Variants in PPP5C observed in about 807,000 individuals in gnomAD.
PPP5C encodes protein phosphatase 5 catalytic subunit, also known as serine/threonine-protein phosphatase 5.
Under a neutral mutation model 66.7 loss-of-function variants are expected in PPP5C, and 21 were observed. That is an observed-to-expected ratio of 0.31 (90% CI 0.22 to 0.45). The LOEUF (loss-of-function observed/expected upper bound fraction) is 0.45, where lower values mean the gene tolerates loss of function less well. Among genes scored for constraint, PPP5C ranks in the 20% least tolerant of loss-of-function variants. The pLI, the probability that PPP5C is intolerant of heterozygous loss-of-function variation, is 1.00. For synonymous variants in PPP5C, 246 were observed against 257.4 expected (o/e 0.96, Z 0.43); for missense variants, 464 against 675.9 (o/e 0.69, Z 3.48).
Position 46,383,287 on chromosome 19 carries a change from T to C in PPP5C, c.634-124T>C. 3.2e-6 allele frequency: 5 copies of C among 1,549,850 alleles called. No homozygotes were observed. Among genetic ancestry groups the C allele is most frequent in the Non-Finnish European group, 4.4e-6 (5 of 1,146,648 alleles). ...TCCCCCAGGCCTGCCCTGCCCTTTT[T>C]CTTCTCTCCCTGCTTCTCCCTCGCC... On this transcript the variant is annotated intron_variant, in intron 4 of 12. Coordinates refer to ENST00000012443, the MANE Select transcript of PPP5C (RefSeq NM_006247.4). This position sits in a 1 kb window ranked among gnomAD's most constrained non-coding sequence, Gnocchi z 5.0.
chr19:46,381,920 G>A (rs1972798114), intron 4 of PPP5C: 1 of 152,072 alleles, frequency 6.6e-6, no homozygotes, highest in Non-Finnish European at 1.5e-5. Context: ...AGCAGAGCTT[G>A]GGATCTTAGC....
chr19:46,347,256 G>A, intron 1 of PPP5C, 39 bp downstream of exon 1: 2 of 1,565,420 alleles, frequency 1.3e-6, no homozygotes, highest in Non-Finnish European at 1.7e-6. Flanking sequence ...AGTGGCCCAG[G>A]CTGAGGGGTG....
In PPP5C at chr19:46,387,205, G is replaced by C. The variant is rs141948909; in HGVS notation, c.1017G>C (p.Pro339=). 1 of 1,614,228 alleles carries C rather than the reference G, an allele frequency of 6.2e-7. No homozygotes were observed. Among genetic ancestry groups the C allele is most frequent in the Non-Finnish European group, 8.5e-7 (1 of 1,180,038 alleles). ...ELFSEVFEWL[P]LAQCINGKVL... ...TTAGCGAGGTGTTCGAGTGGCTCCC[G>C]TTGGCCCAGTGCATCAACGGCAAAG... is the stretch of plus-strand genomic sequence containing the variant. The change falls in exon 8 of 13, where the codon CCG becomes CCC. Residue 339 remains proline, a synonymous_variant. Coordinates refer to ENST00000012443, the MANE Select transcript of PPP5C (RefSeq NM_006247.4).
Position 46,388,364 on chromosome 19 carries a change from G to C in PPP5C, c.1136-44G>C. ...AGGTGGCCTGTGAGTGACCACCCCC[G>C]GGGAGGTGGACGAGTCCCTAATGTT... is the stretch of plus-strand genomic sequence containing the variant. On this transcript the variant is annotated intron_variant, in intron 9 of 12. Transcript: ENST00000012443. The surrounding 1 kb of genome is among the most constrained non-coding windows in gnomAD (Gnocchi z 4.9). 1 of 1,583,436 alleles carries C rather than the reference G, an allele frequency of 6.3e-7. No homozygotes were observed. Among genetic ancestry groups the C allele is most frequent in the East Asian group, 2.3e-5 (1 of 44,216 alleles).
At chr19:46,355,318 C>T (rs1404859687) in intron 2 of PPP5C, among the ~76,000 whole-genome samples, 1 of 152,220 alleles carries the variant, frequency 6.6e-6, no homozygotes, top group African/African-American at 2.4e-5. Flanking sequence ...TCCCTTGCAA[C>T]CATCACACTC....
rs1330023729 is a variant in PPP5C, at chr19:46,390,920, A to C, written c.*574A>C. ...GGTTACGCCTGCTCAGGAGATCCGGAGGGTGGGGAGGCCGCAAAGTCCCGC... is the reference window on the plus strand; with the variant it reads ...GGTTACGCCTGCTCAGGAGATCCGGCGGGTGGGGAGGCCGCAAAGTCCCGC... On this transcript the variant is annotated 3_prime_UTR_variant, in exon 13 of 13. Transcript: ENST00000012443. 60 of 1,172,292 alleles carry C rather than the reference A, an allele frequency of 5.1e-5. No individual in the cohort carries two copies. Among genetic ancestry groups the C allele is most frequent in the Non-Finnish European group, 5.9e-5 (55 of 930,422 alleles). 72.6% of individuals were successfully genotyped at this position (1,172,292 alleles called of 1,614,324 possible).
chr19:46,373,538 C>A (rs1461419808), intron 2 of PPP5C, among the ~76,000 whole-genome samples: 1 of 152,230 alleles, frequency 6.6e-6, no homozygotes, highest in African/African-American at 2.4e-5. Context: ...CCTTTCTCCT[C>A]CCTGCGCTGT....
intron 2 of PPP5C, among the ~76,000 whole-genome samples, chr19:46,358,477 GT>G (rs1972325237): frequency 1.3e-5 from 2 of 152,176 alleles, no homozygotes; most frequent in South Asian, 4.1e-4. Flanking sequence ...CTTTCAAAGT[GT>G]TAATGTAATA....
chr19:46,369,631 C>CA (rs34783979), intron 2 of PPP5C, among the ~76,000 whole-genome samples: 68,859 of 118,928 alleles, frequency 0.58, 17,962 homozygotes, highest in South Asian at 0.75. Flanking sequence ...GACTCTGTCT[C>CA]AAAAAAAAAA....
chr19:46,372,693 G>T (rs1972615178), intron 2 of PPP5C, among the ~76,000 whole-genome samples: 1 of 152,238 alleles, frequency 6.6e-6, no homozygotes, highest in Non-Finnish European at 1.5e-5. Flanking sequence ...ACTTAGCACT[G>T]TGGATTCACC....
At chr19:46,373,937 G>C (rs888225272) in intron 2 of PPP5C, among the ~76,000 whole-genome samples, 4 of 152,204 alleles carry the variant, frequency 2.6e-5, no homozygotes, top group Admixed American at 6.5e-5. Flanking sequence ...CCTGGAGCCA[G>C]CATGCCGGGG....
chr19:46,387,052 C>T, intron 7 of PPP5C, 41 bp from the exon 8 acceptor site: 5 of 1,613,912 alleles, frequency 3.1e-6, no homozygotes, highest in African/African-American at 2.7e-5. Context: ...CACTGATGTA[C>T]CTGGAGGCTG....
intron 1 of PPP5C, among the ~76,000 whole-genome samples, chr19:46,350,333 G>A (rs1972161830): frequency 6.6e-6 from 1 of 152,220 alleles, no homozygotes; most frequent in Admixed American, 6.5e-5. Context: ...TCAGCCAGGT[G>A]ATGGGGTGGA....
Position 46,383,451 on chromosome 19 carries a change from C to G in PPP5C, c.674C>G (p.Thr225Arg). 1 of 1,610,252 alleles carries G rather than the reference C, an allele frequency of 6.2e-7. No individual in the cohort carries two copies. Among genetic ancestry groups the G allele is most frequent in the Non-Finnish European group, 8.5e-7 (1 of 1,177,392 alleles). ...QVKEVLSKLSTLVETTLKETE... is the reference protein window; with the variant it reads ...QVKEVLSKLSRLVETTLKETE... ...AAAGAGGTCCTCTCCAAGCTGAGCA[C>G]GCTCGTGGAAACCACACTCAAAGAG... Residue 225 changes from threonine (T) to arginine (R), a missense_variant, in exon 5 of 13, where the codon ACG (threonine) becomes AGG (arginine). Around this residue, in one of 2 missense-constraint regions of PPP5C, gnomAD observed 387 missense variants for 626.0 expected, o/e 0.62. Transcript: ENST00000012443. The surrounding 1 kb of genome is among the most constrained non-coding windows in gnomAD (Gnocchi z 5.0).
At chr19:46,347,940 G>GAAA (rs199970142) in intron 1 of PPP5C, among the ~76,000 whole-genome samples, 2 of 122,982 alleles carry the variant, frequency 1.6e-5, no homozygotes, top group Non-Finnish European at 1.7e-5. Flanking sequence ...AACCAGACAT[G>GAAA]AAAAAAAAAA....
rs929621571 is a variant in PPP5C at position 46,376,320 on chromosome 19, T to G, written c.512-133T>G. 6 of 1,202,522 alleles carry G rather than the reference T, an allele frequency of 5.0e-6. No homozygotes were observed. In the African/African-American group the frequency reaches 9.1e-5, roughly 18 times the overall value. The allele number at this position is 1,202,522 out of a possible 1,614,324, so 74.5% of individuals were successfully genotyped here. On this transcript the variant is annotated intron_variant, in intron 3 of 12. Transcript: ENST00000012443. This position sits in a 1 kb window ranked among gnomAD's most constrained non-coding sequence, Gnocchi z 5.1. ...GGCCAGACCTGACCCAGGAGGGGACTCTTCACTCACTCTGTCCCGCTCTCG... is the reference window on the plus strand; with the variant it reads ...GGCCAGACCTGACCCAGGAGGGGACGCTTCACTCACTCTGTCCCGCTCTCG...
chr19:46,353,983 C>A lies in PPP5C; in HGVS notation c.357C>A (p.Tyr119Ter). 1 of 1,611,068 alleles carries A rather than the reference C, an allele frequency of 6.2e-7. No homozygotes were observed. Among genetic ancestry groups the A allele is most frequent in the Non-Finnish European group, 8.5e-7 (1 of 1,179,378 alleles). ...AGTTCCGGGCCGCGCTGCGAGACTACGAGACGGTGAGCTGGGGAGTGGGCC... is the reference window on the plus strand; with the variant it reads ...AGTTCCGGGCCGCGCTGCGAGACTAAGAGACGGTGAGCTGGGGAGTGGGCC... ...LGKFRAALRD[Y>*]ETVVKVKPHD... The change falls in exon 2 of 13, where the codon TAC becomes TAA. Residue 119 changes from tyrosine (Y) to a stop codon, truncating the protein, a stop_gained. Transcript: ENST00000012443. LOFTEE classifies it high-confidence loss of function.
chr19:46,363,307 C>CAAAAAAAAAAA (rs1158423038), intron 2 of PPP5C, among the ~76,000 whole-genome samples: 1 of 27,948 alleles, frequency 3.6e-5, no homozygotes, highest in Non-Finnish European at 5.5e-5. Flanking sequence ...GACTCCATCT[C>CAAAAAAAAAAA]AAAAAAAAAA....
Position 46,376,335 on chromosome 19 carries a change from T to C in PPP5C, c.512-118T>C. On this transcript the variant is annotated intron_variant, in intron 3 of 12. Transcript: ENST00000012443. This position sits in a 1 kb window ranked among gnomAD's most constrained non-coding sequence, Gnocchi z 5.1. The stretch of plus-strand genomic sequence containing the variant: ...AGGAGGGGACTCTTCACTCACTCTG[T>C]CCCGCTCTCGACCTGTGTGTCCACA... 1 of 1,359,466 alleles carries C rather than the reference T, an allele frequency of 7.4e-7. No individual in the cohort carries two copies. Among genetic ancestry groups the C allele is most frequent in the South Asian group, 1.3e-5 (1 of 74,446 alleles). The allele number at this position is 1,359,466 out of a possible 1,614,324, so 84.2% of individuals were successfully genotyped here.
Sources: allele counts gnomAD v4.1 joint callset (sites outside exome capture counted in the v4.1 genomes callset), GRCh38; gene constraint gnomAD v4.1.1; regional missense constraint gnomAD v4.1.1; non-coding constraint Gnocchi (gnomAD v3.1); transcripts MANE v1.5; gene names NCBI Gene and HGNC (gene_info 2026-07-23, HGNC 2026-07-21).